The following DAB1 variants were observed in gnomAD, a reference collection of about 807,000 sequenced individuals.
DAB1 encodes DAB adaptor protein 1.
In DAB1, 15 loss-of-function variants were observed where a neutral mutation model predicts 64.6. The observed-to-expected ratio is 0.23, with a 90% CI of 0.16 to 0.36. The LOEUF (loss-of-function observed/expected upper bound fraction) is 0.36. Ranked by LOEUF, DAB1 falls within the 10% of genes least tolerant of loss-of-function variation. The pLI, the probability that DAB1 is intolerant of heterozygous loss-of-function variation, is 1.00. For missense variants in DAB1, 596 were observed against 706.7 expected, an observed-to-expected ratio of 0.84 and a Z score of 1.78; for synonymous variants, 235 against 251.9, an observed-to-expected ratio of 0.93 and a Z score of 0.64.
chr1:58,489,337 G>A (rs1170902220), intron 3 of DAB1, among the ~76,000 whole-genome samples: 10 of 152,336 alleles, frequency 6.6e-5, no homozygotes, highest in East Asian at 5.8e-4. Flanking sequence ...ACAGAGCCTC[G>A]CTCATTACTA....
intron 7 of DAB1, among the ~76,000 whole-genome samples, chr1:57,536,026 C>T (rs1406805967): frequency 1.3e-5 from 2 of 152,128 alleles, no homozygotes; most frequent in Non-Finnish European, 2.9e-5. Flanking sequence ...GCAGCAGTTG[C>T]TTTATCCACT....
At chr1:57,295,568 C>A (rs1363388953) in intron 1 of DAB1, among the ~76,000 whole-genome samples, 1 of 152,050 alleles carries the variant, frequency 6.6e-6, no homozygotes, top group Non-Finnish European at 1.5e-5. Context: ...ACACCACCAC[C>A]AAGTATGTGA....
chr1:57,288,355 T>C (rs1420795750), intron 2 of DAB1, among the ~76,000 whole-genome samples: 1 of 152,092 alleles, frequency 6.6e-6, no homozygotes, highest in East Asian at 1.9e-4. Flanking sequence ...TGGTGTGTTA[T>C]GCATATCTGT....
At chr1:57,290,410 CTT>C (rs1205619716) in intron 2 of DAB1, among the ~76,000 whole-genome samples, 1 of 152,138 alleles carries the variant, frequency 6.6e-6, no homozygotes, top group Non-Finnish European at 1.5e-5. Flanking sequence ...GAATCTGACA[CTT>C]TGAGATGAGA....
intron 1 of DAB1, among the ~76,000 whole-genome samples, chr1:57,407,516 C>A (rs1010733765): frequency 6.6e-6 from 1 of 152,078 alleles, no homozygotes; most frequent in African/African-American, 2.4e-5. Flanking sequence ...AGAAGAATGA[C>A]CCTGTGTGGC....
chr1:57,139,584 G>C (rs1217737909), intron 3 of DAB1, among the ~76,000 whole-genome samples: 1 of 152,162 alleles, frequency 6.6e-6, no homozygotes, highest in African/African-American at 2.4e-5. Context: ...TCTTCCTTTA[G>C]GTGAGAAGAG....
intron 5 of DAB1, among the ~76,000 whole-genome samples, chr1:57,939,453 A>C (rs1645072197): frequency 1.3e-5 from 2 of 152,320 alleles, no homozygotes; most frequent in African/African-American, 4.8e-5. Flanking sequence ...CTCAACCACG[A>C]TGTTCTCTCT....
intron 6 of DAB1, among the ~76,000 whole-genome samples, chr1:57,786,411 C>T (rs1278761306): frequency 2.6e-5 from 4 of 152,116 alleles, no homozygotes; most frequent in Non-Finnish European, 5.9e-5. Flanking sequence ...GCTGTCTTTT[C>T]AAGTCTTAAT....
chr1:58,383,569 T>C (rs1644407906), intron 3 of DAB1, among the ~76,000 whole-genome samples: 1 of 152,074 alleles, frequency 6.6e-6, no homozygotes. Flanking sequence ...CCATAAGCAT[T>C]ATCTGGTTTC....
chr1:57,445,648 A>C (rs1016119087), intron 7 of DAB1, among the ~76,000 whole-genome samples: 1 of 152,224 alleles, frequency 6.6e-6, no homozygotes, highest in African/African-American at 2.4e-5. Context: ...GAGAATATCG[A>C]CATTAGATAG....
intron 1 of DAB1, among the ~76,000 whole-genome samples, chr1:57,316,691 G>A (rs890879958): frequency 6.6e-6 from 1 of 152,198 alleles, no homozygotes; most frequent in African/African-American, 2.4e-5. Context: ...CCAAAGTAAA[G>A]TTGTTCAGTG....
intron 3 of DAB1, among the ~76,000 whole-genome samples, chr1:58,384,326 T>C (rs972508158): frequency 6.6e-6 from 1 of 152,156 alleles, no homozygotes; most frequent in African/African-American, 2.4e-5. Flanking sequence ...ATGAAAGATA[T>C]CTAAATAGTC....
intron 1 of DAB1, among the ~76,000 whole-genome samples, chr1:57,373,447 A>C (rs1168311351): frequency 6.6e-6 from 1 of 152,192 alleles, no homozygotes; most frequent in Admixed American, 6.5e-5. Context: ...GTTTAACAGA[A>C]GGAGTGCTTG....
chr1:57,625,579 A>C (rs1463429510), intron 7 of DAB1, among the ~76,000 whole-genome samples: 2 of 152,294 alleles, frequency 1.3e-5, no homozygotes, highest in East Asian at 3.9e-4. Context: ...GAGGGAAGTT[A>C]AATAGAAGAT....
intron 1 of DAB1, among the ~76,000 whole-genome samples, chr1:57,346,744 A>G (rs2100846036): frequency 6.6e-6 from 1 of 152,346 alleles, no homozygotes; most frequent in South Asian, 2.1e-4. Context: ...AGCTGAGGTT[A>G]CAGCAGTGTA....
intron 7 of DAB1, among the ~76,000 whole-genome samples, chr1:57,491,079 G>A (rs550871250): frequency 6.6e-6 from 1 of 152,262 alleles, no homozygotes; most frequent in Admixed American, 6.5e-5. Flanking sequence ...CTATGAATTT[G>A]TAACTCATCT....
intron 2 of DAB1, among the ~76,000 whole-genome samples, chr1:57,195,430 G>A (rs1403430055): frequency 6.6e-6 from 1 of 152,200 alleles, no homozygotes; most frequent in Non-Finnish European, 1.5e-5. Flanking sequence ...ACAAGGCTGA[G>A]CATTTAAATA....
At chr1:58,085,077 G>C (rs921555787) in intron 5 of DAB1, among the ~76,000 whole-genome samples, 5 of 152,100 alleles carry the variant, frequency 3.3e-5, no homozygotes, top group African/African-American at 9.7e-5. Flanking sequence ...ATGAAAGAAT[G>C]GTTATTTTAT....
At chr1:58,491,246 C>A (rs760622557) in intron 3 of DAB1, among the ~76,000 whole-genome samples, 5 of 152,220 alleles carry the variant, frequency 3.3e-5, no homozygotes, top group South Asian at 4.1e-4. Context: ...GCCTGCCCTA[C>A]AAGAGCTCCT....
Sources: gnomAD v4.1 joint callset for allele counts (sites outside exome capture counted in the v4.1 genomes callset) on GRCh38, gnomAD v4.1.1 for gene constraint, MANE v1.5 for transcripts, NCBI Gene and HGNC (gene_info 2026-07-23, HGNC 2026-07-21) for gene names.